The following CTNNA3 variants were observed in gnomAD, a reference collection of about 807,000 sequenced individuals.
The protein encoded by CTNNA3 is catenin alpha-3.
In CTNNA3, 76 loss-of-function variants were observed where a neutral mutation model predicts 95.7. The ratio of observed to expected loss-of-function variants is 0.79; its 90% CI spans 0.66 to 0.96. The LOEUF (loss-of-function observed/expected upper bound fraction) is 0.96, where lower values mean the gene tolerates loss of function less well. Ranked by LOEUF, CTNNA3 falls within the 40% of genes least tolerant of loss-of-function variation. CTNNA3 has a pLI of 0.00. For synonymous variants in CTNNA3, 431 were observed against 374.4 expected, an observed-to-expected ratio of 1.15 and a Z score of -1.74; for missense variants, 1,191 against 1,089.8, an observed-to-expected ratio of 1.09 and a Z score of -1.31.
intron 5 of CTNNA3, among the ~76,000 whole-genome samples, chr10:67,468,010 C>T (rs1406613430): frequency 6.6e-6 from 1 of 151,790 alleles, no homozygotes; most frequent in Non-Finnish European, 1.5e-5. Context: ...TGTGCCTAGC[C>T]TCCAACTTTC....
At chr10:66,372,622 G>T (rs1437755831) in intron 12 of CTNNA3, among the ~76,000 whole-genome samples, 1 of 152,152 alleles carries the variant, frequency 6.6e-6, no homozygotes. Flanking sequence ...ACACTGATAT[G>T]AAGAAATACC....
intron 11 of CTNNA3, among the ~76,000 whole-genome samples, chr10:66,456,589 T>A (rs1432025877): frequency 6.6e-6 from 1 of 151,820 alleles, no homozygotes; most frequent in African/African-American, 2.4e-5. Flanking sequence ...GGCAGAAGGA[T>A]CATTTGAACC....
rs569738770 is a variant in CTNNA3, at chr10:66,255,540, T to A, written c.1884+24930A>T. ...ACTTCTTCTCTACCCGATTCTGATG[T>A]CTTAGATGATCCTTCCATTTGCCTC... On this transcript the variant is annotated intron_variant, in intron 13 of 17. Transcript: ENST00000433211. 3.3e-5 allele frequency among the ~76,000 whole-genome samples: 5 copies of A among 152,284 alleles called. No individual in the cohort carries two copies. The East Asian group carries it at 9.6e-4, about 29-fold the overall frequency.
At chr10:67,122,026 G>A (rs529942418) in intron 7 of CTNNA3, among the ~76,000 whole-genome samples, 1 of 146,308 alleles carries the variant, frequency 6.8e-6, no homozygotes, top group East Asian at 2.0e-4. Context: ...GCCAGATTTG[G>A]CCAACTTGTT....
intron 2 of CTNNA3, among the ~76,000 whole-genome samples, chr10:67,631,792 TA>T (rs11392613): frequency 2.6e-4 from 39 of 151,870 alleles, no homozygotes; most frequent in East Asian, 1.9e-4. Context: ...TATTCAGTCA[TA>T]AAAAAAAGTA....
chr10:67,761,464 C>G (rs1022647130), intron 1 of CTNNA3, among the ~76,000 whole-genome samples: 1 of 152,148 alleles, frequency 6.6e-6, no homozygotes, highest in African/African-American at 2.4e-5. Context: ...AATCACATGC[C>G]CTGTTCCTCC....
chr10:66,294,097 C>T (rs763481028), intron 12 of CTNNA3, among the ~76,000 whole-genome samples: 6 of 152,158 alleles, frequency 3.9e-5, no homozygotes, highest in Non-Finnish European at 7.3e-5. Context: ...TAACGAGAAT[C>T]TTTGGAATAG....
intron 7 of CTNNA3, among the ~76,000 whole-genome samples, chr10:67,143,681 G>A (rs1034732898): frequency 1.3e-5 from 2 of 152,046 alleles, no homozygotes; most frequent in Non-Finnish European, 1.5e-5. Flanking sequence ...CGATAACTAC[G>A]TCATGAAAAT....
intron 7 of CTNNA3, among the ~76,000 whole-genome samples, chr10:67,088,854 A>G (rs1857456425): frequency 6.6e-6 from 1 of 152,066 alleles, no homozygotes; most frequent in African/African-American, 2.4e-5. Context: ...TCAGCCCTCC[A>G]TATCCATAGG....
chr10:65,957,988 T>C (rs1359764324), intron 17 of CTNNA3, among the ~76,000 whole-genome samples: 1 of 152,256 alleles, frequency 6.6e-6, no homozygotes, highest in East Asian at 1.9e-4. Context: ...TTTTCCAGCT[T>C]GGTTCTATTC....
chr10:67,334,787 T>C (rs1192947157), intron 5 of CTNNA3: 1 of 154,852 alleles, frequency 6.5e-6, no homozygotes, highest in Non-Finnish European at 1.4e-5. Context: ...TAATGAGATC[T>C]GTCAGCACTG....
chr10:66,080,780 AG>A (rs2080728161), intron 14 of CTNNA3, among the ~76,000 whole-genome samples: 1 of 152,154 alleles, frequency 6.6e-6, no homozygotes, highest in Non-Finnish European at 1.5e-5. Flanking sequence ...GGAGGACATT[AG>A]TGGAGATGGT....
intron 1 of CTNNA3, among the ~76,000 whole-genome samples, chr10:67,726,526 A>G (rs1423600929): frequency 1.5e-5 from 1 of 67,106 alleles, no homozygotes; most frequent in African/African-American, 6.1e-5. Flanking sequence ...ATATTATATT[A>G]TATATATTAT....
At chr10:67,263,216 C>A (rs1484480726) in intron 5 of CTNNA3, among the ~76,000 whole-genome samples, 1 of 152,174 alleles carries the variant, frequency 6.6e-6, no homozygotes, top group Non-Finnish European at 1.5e-5. Flanking sequence ...CCATCAACTT[C>A]ATCATCCCCA....
chr10:66,404,065 C>T (rs2093039160), intron 11 of CTNNA3, among the ~76,000 whole-genome samples: 2 of 152,092 alleles, frequency 1.3e-5, no homozygotes, highest in Admixed American at 6.6e-5. Flanking sequence ...AACATCACTA[C>T]TGTAGAACCT....
At chr10:66,474,765 G>T (rs1279518585) in intron 11 of CTNNA3, among the ~76,000 whole-genome samples, 1 of 151,940 alleles carries the variant, frequency 6.6e-6, no homozygotes, top group Non-Finnish European at 1.5e-5. Flanking sequence ...TCTAATTGTA[G>T]TTTTGACTGA....
chr10:66,427,976 A>G (rs1311860562), intron 11 of CTNNA3, among the ~76,000 whole-genome samples: 1 of 152,150 alleles, frequency 6.6e-6, no homozygotes, highest in Non-Finnish European at 1.5e-5. Context: ...TAAAGAGTCA[A>G]GACCCATCAG....
chr10:66,560,014 G>A (rs1021901943), intron 10 of CTNNA3, among the ~76,000 whole-genome samples: 3 of 152,140 alleles, frequency 2.0e-5, no homozygotes, highest in African/African-American at 7.2e-5. Context: ...CAAGTGGGAA[G>A]AATGGAGAGA....
intron 7 of CTNNA3, among the ~76,000 whole-genome samples, chr10:66,782,275 A>T (rs1031468106): frequency 1.3e-5 from 2 of 152,252 alleles, no homozygotes; most frequent in East Asian, 3.9e-4. Flanking sequence ...AAATGTTAGC[A>T]GTTATTATTA....
Sources: gnomAD v4.1 joint callset for allele counts (sites outside exome capture counted in the v4.1 genomes callset) on GRCh38, gnomAD v4.1.1 for gene constraint, MANE v1.5 for transcripts, NCBI Gene and HGNC (gene_info 2026-07-23, HGNC 2026-07-21) for gene names.